The following RYR2 variants were observed in gnomAD, a reference collection of about 807,000 sequenced individuals.
RYR2 encodes cardiac muscle ryanodine receptor-calcium release channel.
RYR2 carries 227 observed loss-of-function variants against 601.1 expected under a neutral mutation model. The observed-to-expected ratio is 0.38, with a 90% CI of 0.34 to 0.42. RYR2 has a LOEUF of 0.42. RYR2 is among the 10% of genes least tolerant of loss of function. The probability of loss-of-function intolerance (pLI) is 1.00; values close to 1 mark genes in which losing one functional copy is unlikely to be tolerated. For synonymous variants in RYR2, 2,223 were observed against 2,175.1 expected (o/e 1.02, Z -0.61); for missense variants, 4,646 against 6,156.5 (o/e 0.75, Z 8.21).
At chr1:237,827,713 C>T (rs1208714868) in intron 101 of RYR2, among the ~76,000 whole-genome samples, 6 of 150,316 alleles carry the variant, frequency 4.0e-5, no homozygotes, top group East Asian at 1.9e-4. Context: ...CCGAGGCAGG[C>T]GGATCACAAG....
At chr1:237,135,143 A>G (rs2148721895) in intron 1 of RYR2, among the ~76,000 whole-genome samples, 1 of 152,314 alleles carries the variant, frequency 6.6e-6, no homozygotes, top group Non-Finnish European at 1.5e-5. Context: ...ATGTAAGGTT[A>G]CTCAGATACA....
At position 237,809,025 on chromosome 1, in the gene RYR2, A is replaced by G; in HGVS notation, c.14423A>G (p.Asp4808Gly). The change falls in exon 100 of 105, where the codon GAT becomes GGT. Residue 4808 changes from aspartate to glycine, a missense_variant. This residue lies in a region of RYR2 where 55 missense variants were observed against 204.7 expected (regional missense o/e 0.27). Coordinates refer to ENST00000366574, the MANE Select transcript of RYR2 (RefSeq NM_001035.3). ...DGDTPDMKCD[D>G]MLTCYMFHMY... ...GATACACCAGATATGAAATGTGACG[A>G]TATGCTAACAGTAAGTTCATAACCT... 5 of 1,613,306 alleles carry G rather than the reference A, an allele frequency of 3.1e-6. No individual in the cohort carries two copies.
rs562546290 is a variant in RYR2, at chr1:237,534,686, C to T, written c.2906+4176C>T. On this transcript the variant is annotated intron_variant, in intron 25 of 104. Transcript: ENST00000366574. ...AATTATTTACTTATTTACCACTCTG[C>T]CTTTGTTTATTTCTAGTTAAAAAGA... 1.8e-4 allele frequency among the ~76,000 whole-genome samples: 28 copies of T among 152,024 alleles called. No individual in the cohort carries two copies. In the South Asian group the frequency reaches 4.4e-3, roughly 24 times the overall value.
chr1:237,493,873 C>G (rs1663721446), intron 19 of RYR2, among the ~76,000 whole-genome samples: 1 of 152,150 alleles, frequency 6.6e-6, no homozygotes, highest in Non-Finnish European at 1.5e-5. Flanking sequence ...TCCAAGGCAC[C>G]TAACGTTCAT....
At chr1:237,772,435 A>C in intron 86 of RYR2, among the ~76,000 whole-genome samples, 1 of 152,134 alleles carries the variant, frequency 6.6e-6, no homozygotes, top group East Asian at 1.9e-4. Context: ...GGGGAAGAAT[A>C]TTTGGAACAT....
Position 237,832,866 on chromosome 1 carries a change from C to A in RYR2, c.*219C>A. On this transcript the variant is annotated 3_prime_UTR_variant, in exon 105 of 105. Coordinates refer to ENST00000366574, the MANE Select transcript of RYR2 (RefSeq NM_001035.3). ...CTGAAGAATAATCTAAATTCATACT[C>A]AGACAAAAAAAGGAATTCTGGAAAG... 1 of 413,886 alleles carries A rather than the reference C, an allele frequency of 2.4e-6. No individual in the cohort carries two copies. The highest frequency in any genetic ancestry group is 4.4e-6 in the Non-Finnish European group (1 of 229,612). 25.6% of individuals were successfully genotyped at this position (413,886 alleles called of 1,614,324 possible).
At chr1:237,267,638 G>A (rs1689208041) in intron 1 of RYR2, 2 of 287,772 alleles carry the variant, frequency 6.9e-6, no homozygotes, top group African/African-American at 4.6e-5. Flanking sequence ...TCTCAAGTGT[G>A]GCTCATATTG....
intron 1 of RYR2, among the ~76,000 whole-genome samples, chr1:237,213,899 C>CT (rs1320242831): frequency 5.9e-5 from 6 of 102,216 alleles, no homozygotes; most frequent in Admixed American, 9.6e-5. Context: ...CATTTATTAT[C>CT]TTTTTTTTTC....
chr1:237,482,234 A>G (rs920944349), intron 17 of RYR2, among the ~76,000 whole-genome samples: 3 of 152,092 alleles, frequency 2.0e-5, no homozygotes, highest in Non-Finnish European at 2.9e-5. Flanking sequence ...TACATTTAAA[A>G]TGTGCAATTA....
In RYR2 at chr1:237,670,254, G is replaced by C. The variant is rs556786962; in HGVS notation, c.8590+2296G>C. On this transcript the variant is annotated intron_variant, in intron 58 of 104. Transcript: ENST00000366574. Reference sequence around the variant, plus strand: ...GATGGCAGCTGTACAGTCCAGCTTCGGCTCGGCATCAGAGGGAGACCGTGG... The same window carrying C: ...GATGGCAGCTGTACAGTCCAGCTTCCGCTCGGCATCAGAGGGAGACCGTGG... Among the ~76,000 whole-genome samples, 7 of 150,346 alleles carry C rather than the reference G, an allele frequency of 4.7e-5. No homozygotes were observed. The East Asian group carries it at 6.0e-4, about 13-fold the overall frequency.
Position 237,631,503 on chromosome 1 carries a change from G to T in RYR2, c.6517G>T (p.Glu2173Ter). 1 of 1,612,386 alleles carries T rather than the reference G, an allele frequency of 6.2e-7. No individual in the cohort carries two copies. Among genetic ancestry groups the T allele is most frequent in the Non-Finnish European group, 8.5e-7 (1 of 1,179,100 alleles). Residue 2173 changes from glutamate to a stop codon, truncating the protein, a stop_gained, in exon 42 of 105, where the codon GAG becomes TAG. Coordinates refer to ENST00000366574, the MANE Select transcript of RYR2 (RefSeq NM_001035.3). LOFTEE classifies it high-confidence loss of function. Reference protein sequence around the residue: ...RALGMHETVMEVMVNVLGGGE... With the variant: ...RALGMHETVM ...ACTGGGGATGCACGAGACTGTGATG[G>T]AGGTCATGGTGAACGTCCTTGGAGG...
At chr1:237,091,496 C>T (rs1666953359) in intron 1 of RYR2, among the ~76,000 whole-genome samples, 1 of 151,922 alleles carries the variant, frequency 6.6e-6, no homozygotes, top group Non-Finnish European at 1.5e-5. Flanking sequence ...ACGATCTTGG[C>T]TCACTGCAAC....
At chr1:237,472,999 T>C (rs2150321460) in intron 17 of RYR2, among the ~76,000 whole-genome samples, 1 of 150,448 alleles carries the variant, frequency 6.6e-6, no homozygotes, top group Middle Eastern at 3.4e-3. Flanking sequence ...TTGCTTTTAC[T>C]TTTTTTTTTA....
chr1:237,287,663 A>G (rs917394647), intron 2 of RYR2, among the ~76,000 whole-genome samples: 1 of 152,056 alleles, frequency 6.6e-6, no homozygotes, highest in African/African-American at 2.4e-5. Context: ...TGAATTTTTG[A>G]TTGTTTTTTC....
chr1:237,577,533 T>C (rs1182255196), intron 29 of RYR2, among the ~76,000 whole-genome samples: 1 of 81,458 alleles, frequency 1.2e-5, no homozygotes, highest in African/African-American at 4.2e-5. Context: ...TGTGTGTGTG[T>C]GTGCGTGTGT....
intron 17 of RYR2, among the ~76,000 whole-genome samples, chr1:237,489,799 G>T (rs766960277): frequency 6.6e-6 from 1 of 152,148 alleles, no homozygotes; most frequent in East Asian, 1.9e-4. Context: ...ATATCTGAAA[G>T]AAAATTAATT....
intron 63 of RYR2, among the ~76,000 whole-genome samples, chr1:237,694,216 C>A (rs1028571723): frequency 1.3e-5 from 2 of 151,602 alleles, no homozygotes; most frequent in African/African-American, 2.4e-5. Context: ...ATGGCGTGAA[C>A]CCAGGAGGTG....
chr1:237,053,279 G>A (rs1661513124), intron 1 of RYR2, among the ~76,000 whole-genome samples: 1 of 152,202 alleles, frequency 6.6e-6, no homozygotes, highest in Non-Finnish European at 1.5e-5. Flanking sequence ...TTGTAGGTTC[G>A]ACGAAACGTC....
chr1:237,203,882 A>G (rs1426640662), intron 1 of RYR2, among the ~76,000 whole-genome samples: 1 of 152,218 alleles, frequency 6.6e-6, no homozygotes, highest in Non-Finnish European at 1.5e-5. Flanking sequence ...TACACTGTTC[A>G]GATTCCTCTC....
Sources: gnomAD v4.1 joint callset for allele counts (sites outside exome capture counted in the v4.1 genomes callset) on GRCh38, gnomAD v4.1.1 for gene constraint, gnomAD v4.1.1 regional missense constraint, MANE v1.5 for transcripts, NCBI Gene and HGNC (gene_info 2026-07-23, HGNC 2026-07-21) for gene names.